The following BRINP3 variants were observed in gnomAD, a reference collection of about 807,000 sequenced individuals.
BRINP3 encodes BMP/retinoic acid-inducible neural-specific protein 3.
A neutral mutation model predicts 71.0 loss-of-function variants in BRINP3; 19 were observed. The ratio of observed to expected loss-of-function variants is 0.27; its 90% CI spans 0.19 to 0.39. The LOEUF is 0.39. Among genes scored for constraint, BRINP3 ranks in the 10% least tolerant of loss-of-function variants. The pLI, the probability that BRINP3 is intolerant of heterozygous loss-of-function variation, is 1.00. For synonymous variants in BRINP3, 380 were observed against 337.7 expected, an observed-to-expected ratio of 1.13 and a Z score of -1.37; for missense variants, 959 against 940.8, an observed-to-expected ratio of 1.02 and a Z score of -0.25.
chr1:190,185,565 A>G lies in BRINP3; in HGVS notation c.962-24675T>C, dbSNP rs377106512. On this transcript the variant is annotated intron_variant, in intron 6 of 7. Coordinates refer to ENST00000367462, the MANE Select transcript of BRINP3 (RefSeq NM_199051.3). The stretch of plus-strand genomic sequence containing the variant: ...GAAAATTGGCTAAGCTGGCACAGAA[A>G]TCTACCCACTTGACTCTAAGAAGTT... Among the ~76,000 whole-genome samples, 29 of 152,318 alleles carry G rather than the reference A, an allele frequency of 1.9e-4. No homozygotes were observed. The East Asian group carries it at 5.2e-3, about 27-fold the overall frequency.
At chr1:190,166,726 T>C (rs912381437) in intron 6 of BRINP3, among the ~76,000 whole-genome samples, 9 of 152,094 alleles carry the variant, frequency 5.9e-5, no homozygotes, top group Non-Finnish European at 1.0e-4. Context: ...ATACGTCTTA[T>C]GCATTTCTTT....
intron 2 of BRINP3, among the ~76,000 whole-genome samples, chr1:190,315,465 A>G (rs1340111898): frequency 1.3e-5 from 2 of 152,156 alleles, no homozygotes; most frequent in Non-Finnish European, 2.9e-5. Context: ...TAATTTCCTC[A>G]CAGAGAGCAC....
chr1:190,156,053 T>G (rs1656837792), intron 7 of BRINP3, among the ~76,000 whole-genome samples: 1 of 152,118 alleles, frequency 6.6e-6, no homozygotes, highest in Non-Finnish European at 1.5e-5. Context: ...AAAAGTTGAC[T>G]ACCTCAAGGA....
intron 6 of BRINP3, among the ~76,000 whole-genome samples, chr1:190,222,579 A>G (rs571048379): frequency 9.3e-4 from 142 of 152,074 alleles, no homozygotes; most frequent in African/African-American, 2.5e-3. Flanking sequence ...AGACAAAAAA[A>G]TACATAAGAT....
At chr1:190,343,638 T>G (rs1667816315) in intron 2 of BRINP3, among the ~76,000 whole-genome samples, 1 of 151,676 alleles carries the variant, frequency 6.6e-6, no homozygotes. Context: ...ACTAGTATTA[T>G]TATATTTAAT....
intron 2 of BRINP3, among the ~76,000 whole-genome samples, chr1:190,396,091 C>T (rs1012962923): frequency 3.3e-5 from 5 of 151,812 alleles, no homozygotes; most frequent in African/African-American, 1.2e-4. Context: ...ATGTCATCCT[C>T]CTAACAAAAT....
chr1:190,277,119 T>TATATA (rs1401150849), intron 3 of BRINP3, among the ~76,000 whole-genome samples: 11 of 26,968 alleles, frequency 4.1e-4, no homozygotes, highest in African/African-American at 5.8e-4. Context: ...ATATATATAT[T>TATATA]TATATTCAGA....
chr1:190,356,678 AT>A (rs1466183873), intron 2 of BRINP3, among the ~76,000 whole-genome samples: 3 of 152,022 alleles, frequency 2.0e-5, no homozygotes, highest in Non-Finnish European at 4.4e-5. Flanking sequence ...CCAGAAAAAA[AT>A]CTCCCAATCA....
At chr1:190,278,796 T>C (rs1227581153) in intron 3 of BRINP3, among the ~76,000 whole-genome samples, 1 of 151,482 alleles carries the variant, frequency 6.6e-6, no homozygotes, top group African/African-American at 2.4e-5. Context: ...AGAGAGAGCA[T>C]ACTGCCATCA....
chr1:190,339,497 T>C (rs765116808), intron 2 of BRINP3, among the ~76,000 whole-genome samples: 21 of 152,052 alleles, frequency 1.4e-4, no homozygotes, highest in South Asian at 2.1e-4. Flanking sequence ...TTAAATGTAA[T>C]TGAAGGTCAG....
intron 3 of BRINP3, among the ~76,000 whole-genome samples, chr1:190,270,763 A>C (rs1356295227): frequency 1.3e-5 from 2 of 151,688 alleles, no homozygotes; most frequent in Non-Finnish European, 3.0e-5. Flanking sequence ...TGGTAAGTTC[A>C]TAACCAATAC....
At chr1:190,118,016 G>C (rs144733128) in intron 7 of BRINP3, among the ~76,000 whole-genome samples, 4 of 152,038 alleles carry the variant, frequency 2.6e-5, no homozygotes, top group Admixed American at 2.0e-4. Flanking sequence ...TGTCACCAAA[G>C]GTTTGGTTAG....
Position 190,468,453 on chromosome 1 carries a change from G to A in BRINP3, c.-51+8995C>T, listed in dbSNP as rs372387948. Among the ~76,000 whole-genome samples, 166 of 150,960 alleles carry A rather than the reference G, an allele frequency of 1.1e-3. 5 individuals are homozygous for A. The South Asian group carries it at 0.021, about 19-fold the overall frequency. Reference sequence around the variant, plus strand: ...TCTTACAATTGTAATTTGTTGTTTCGTCTTTCAAATTGATTGAACAAGATA... The same window carrying A: ...TCTTACAATTGTAATTTGTTGTTTCATCTTTCAAATTGATTGAACAAGATA... On this transcript the variant is annotated intron_variant, in intron 1 of 7. Transcript: ENST00000367462.
chr1:190,237,007 A>C (rs1455907581), intron 4 of BRINP3, among the ~76,000 whole-genome samples: 1 of 151,892 alleles, frequency 6.6e-6, no homozygotes, highest in East Asian at 1.9e-4. Flanking sequence ...TCCTTAAAAG[A>C]AGGTAAATAA....
chr1:190,410,408 T>C (rs1011176583), intron 2 of BRINP3, among the ~76,000 whole-genome samples: 23 of 152,078 alleles, frequency 1.5e-4, no homozygotes, highest in African/African-American at 5.1e-4. Context: ...ATACTGTAAA[T>C]ATATAAAATA....
chr1:190,265,184 G>T (rs1661548472), intron 3 of BRINP3, 129 bp from the exon 4 acceptor site: 3 of 785,232 alleles, frequency 3.8e-6, no homozygotes, highest in Non-Finnish European at 5.7e-6. Flanking sequence ...AAAAGGGCAA[G>T]GGGTTTTATT....
At chr1:190,119,125 T>G (rs1329373578) in intron 7 of BRINP3, among the ~76,000 whole-genome samples, 1 of 152,140 alleles carries the variant, frequency 6.6e-6, no homozygotes, top group Non-Finnish European at 1.5e-5. Flanking sequence ...AAAGATTGCA[T>G]TCAATTCTGT....
chr1:190,274,792 A>G (rs1662408938), intron 3 of BRINP3, among the ~76,000 whole-genome samples: 1 of 151,566 alleles, frequency 6.6e-6, no homozygotes, highest in Admixed American at 6.6e-5. Flanking sequence ...CTAGTATGGT[A>G]TTGTGGGGGA....
chr1:190,412,455 TG>T (rs1337954145), intron 2 of BRINP3, among the ~76,000 whole-genome samples: 9 of 131,806 alleles, frequency 6.8e-5, no homozygotes, highest in Admixed American at 3.7e-4. Flanking sequence ...TGTTTTGTTT[TG>T]TTTTTTTTTG....
Sources: gnomAD v4.1 joint callset for allele counts (sites outside exome capture counted in the v4.1 genomes callset) on GRCh38, gnomAD v4.1.1 for gene constraint, MANE v1.5 for transcripts, NCBI Gene and HGNC (gene_info 2026-07-23, HGNC 2026-07-21) for gene names.